KANSL1L: variants seen among roughly 807,000 people sequenced by gnomAD.
KANSL1L encodes KAT8 regulatory NSL complex subunit 1-like protein.
KANSL1L carries 25 observed loss-of-function variants against 108.6 expected under a neutral mutation model. That is an observed-to-expected ratio of 0.23 (90% CI 0.17 to 0.32). KANSL1L has a LOEUF of 0.32. Among genes scored for constraint, KANSL1L ranks in the 10% least tolerant of loss-of-function variants. KANSL1L has a pLI of 1.00. For missense variants in KANSL1L, 1,137 were observed against 1,125.7 expected (o/e 1.01, Z -0.14); for synonymous variants, 405 against 395.1 (o/e 1.03, Z -0.30).
At chr2:210,110,390 G>C (rs1236476885) in intron 3 of KANSL1L, among the ~76,000 whole-genome samples, 1 of 151,890 alleles carries the variant, frequency 6.6e-6, no homozygotes, top group East Asian at 1.9e-4. Context: ...AAAGTGTAGA[G>C]AGAGGCAGTT....
At position 210,154,558 on chromosome 2, in the gene KANSL1L, T is replaced by C; in HGVS notation, c.25A>G (p.Thr9Ala). 1 of 1,540,564 alleles carries C rather than the reference T, an allele frequency of 6.5e-7. No individual in the cohort carries two copies. The highest frequency in any genetic ancestry group is 8.7e-7 in the Non-Finnish European group (1 of 1,143,566). The change falls in exon 2 of 15, where the codon ACA becomes GCA. Residue 9 changes from threonine (T) to alanine (A), a missense_variant. Thr to Ala is a moderately conservative substitution (Grantham distance 58). Transcript: ENST00000281772. ...GATGAAAAGCTGATACCCTTTGCTG[T>C]TGCCTCCCTCAGAGCTGGGGTCATG... The part of the protein sequence containing the change: MTPALREA[T>A]AKGISFSSLP...
intron 9 of KANSL1L, chr2:210,030,782 C>T (rs956310953): frequency 6.6e-6 from 1 of 151,894 alleles, no homozygotes; most frequent in African/African-American, 2.4e-5. Flanking sequence ...AATCATTTTT[C>T]ATTACATTGA....
chr2:210,147,204 G>C (rs918119131), intron 2 of KANSL1L, among the ~76,000 whole-genome samples: 2 of 152,228 alleles, frequency 1.3e-5, no homozygotes, highest in African/African-American at 4.8e-5. Context: ...CTCATGCTGT[G>C]ATACCAGCAA....
chr2:210,142,713 G>T (rs1376306952), intron 2 of KANSL1L, among the ~76,000 whole-genome samples: 2 of 151,888 alleles, frequency 1.3e-5, no homozygotes, highest in Non-Finnish European at 2.9e-5. Context: ...TTTAAATTTA[G>T]TCATTAATCC....
intron 1 of KANSL1L, among the ~76,000 whole-genome samples, chr2:210,164,089 A>G (rs1375124994): frequency 1.3e-5 from 2 of 152,184 alleles, no homozygotes; most frequent in East Asian, 1.9e-4. Context: ...ACTACTAGAC[A>G]TATTTTTAAA....
At position 210,163,234 on chromosome 2, in the gene KANSL1L, T is replaced by G. The variant is rs978380073; in HGVS notation, c.-30+7915A>C. Reference sequence around the variant, plus strand: ...ACCAGGAATTTAAAACAACTATGATTAATATGCTAAGGCCTCTAATGGAAA... The same window carrying G: ...ACCAGGAATTTAAAACAACTATGATGAATATGCTAAGGCCTCTAATGGAAA... On this transcript the variant is annotated intron_variant, in intron 1 of 14. Coordinates refer to ENST00000281772, the MANE Select transcript of KANSL1L (RefSeq NM_152519.4). 2.0e-5 allele frequency among the ~76,000 whole-genome samples: 3 copies of G among 152,142 alleles called. No individual in the cohort carries two copies. In the South Asian group the frequency reaches 6.2e-4, roughly 32 times the overall value.
chr2:210,072,454 A>T (rs966899950), intron 6 of KANSL1L, among the ~76,000 whole-genome samples: 1 of 152,206 alleles, frequency 6.6e-6, no homozygotes, highest in Non-Finnish European at 1.5e-5. Flanking sequence ...GCACTTTAAG[A>T]CAGCAGTCCC....
chr2:210,092,799 T>C (rs145563827), intron 5 of KANSL1L, among the ~76,000 whole-genome samples: 3 of 152,324 alleles, frequency 2.0e-5, no homozygotes, highest in South Asian at 2.1e-4. Context: ...GAAATCTGCA[T>C]TTGCCTCTGC....
rs879210543 is a variant in KANSL1L at position 210,154,255 on chromosome 2, T to G, written c.328A>C (p.Lys110Gln). ...TTGCTGCCATTATACAGTATGTTTT[T>G]CAGCTTATTGCAACTGGGCTCCCCT... is the stretch of plus-strand genomic sequence containing the variant. Reference protein sequence around the residue: ...KLGEPSCNKLKNILYNGSNIQ... With the variant: ...KLGEPSCNKLQNILYNGSNIQ... Residue 110 changes from lysine (K) to glutamine (Q), a missense_variant, in exon 2 of 15, where the codon AAA (lysine) becomes CAA (glutamine). Around this residue, in one of 3 missense-constraint regions of KANSL1L, gnomAD observed 556 missense variants for 537.7 expected, o/e 1.03. Transcript: ENST00000281772. The G allele has an allele frequency of 6.2e-7, 1 of 1,614,122 alleles. No individual in the cohort carries two copies. The highest frequency in any genetic ancestry group is 1.1e-5 in the South Asian group (1 of 91,056).
intron 4 of KANSL1L, among the ~76,000 whole-genome samples, chr2:210,101,964 C>G (rs1302147478): frequency 1.3e-5 from 2 of 152,176 alleles, no homozygotes; most frequent in Non-Finnish European, 2.9e-5. Context: ...TGAAGAATGG[C>G]TCAGCTTTAA....
chr2:210,030,912 TGTCA>T (rs1456511577), intron 9 of KANSL1L: 2 of 152,176 alleles, frequency 1.3e-5, no homozygotes, highest in Non-Finnish European at 2.9e-5. Flanking sequence ...AGATCTAAAG[TGTCA>T]GTCAATTTAA....
In KANSL1L at chr2:210,154,315, T is replaced by C; in HGVS notation, c.268A>G (p.Asn90Asp). Residue 90 changes from asparagine to aspartate, a missense_variant, in exon 2 of 15, where the codon AAT (asparagine) becomes GAT (aspartate). By Grantham distance (23) the Asn-to-Asp change is conservative. Transcript: ENST00000281772. ...TGTTTATAATTCTCATTGTGTTTAT[T>C]TAATGTAGAATTAGATCTCATTAAA... ...VFLMRSNSTL[N>D]KHNENYKQKK... is the part of the protein sequence containing the mutation. 3.7e-6 allele frequency: 6 copies of C among 1,612,790 alleles called. No homozygotes were observed. The highest frequency in any genetic ancestry group is 5.1e-6 in the Non-Finnish European group (6 of 1,179,240).
intron 5 of KANSL1L, among the ~76,000 whole-genome samples, chr2:210,076,171 T>TTTTTTTG (rs796078288): frequency 6.6e-6 from 1 of 152,112 alleles, no homozygotes; most frequent in African/African-American, 2.4e-5. Context: ...TAGTTTCTGT[T>TTTTTTTG]TTTTTTGTTT....
At chr2:210,065,579 ATTTTTTTTT>A (rs57999970) in intron 6 of KANSL1L, among the ~76,000 whole-genome samples, 19 of 64,922 alleles carry the variant, frequency 2.9e-4, no homozygotes, top group African/African-American at 4.8e-4. Context: ...CCTGGACATG[ATTTTTTTTT>A]TTTTTTTTTT....
chr2:210,113,693 A>C (rs2094929543), intron 3 of KANSL1L, among the ~76,000 whole-genome samples: 1 of 152,200 alleles, frequency 6.6e-6, no homozygotes, highest in Non-Finnish European at 1.5e-5. Flanking sequence ...AGTCAAGAAA[A>C]AGATGTTATG....
At chr2:210,067,124 TC>T (rs1466731810) in intron 6 of KANSL1L, among the ~76,000 whole-genome samples, 1 of 152,128 alleles carries the variant, frequency 6.6e-6, no homozygotes, top group Non-Finnish European at 1.5e-5. Flanking sequence ...GCCTTTAGAC[TC>T]CAGGACTTAA....
chr2:210,132,475 G>A (rs2095130942), intron 2 of KANSL1L, among the ~76,000 whole-genome samples: 1 of 152,138 alleles, frequency 6.6e-6, no homozygotes, highest in African/African-American at 2.4e-5. Context: ...CCTGGACAGT[G>A]ACAGAGATCA....
At chr2:210,055,106 G>T (rs1188956824) in intron 6 of KANSL1L, among the ~76,000 whole-genome samples, 1 of 152,162 alleles carries the variant, frequency 6.6e-6, no homozygotes, top group Admixed American at 6.5e-5. Flanking sequence ...GAATCATAGG[G>T]GTAGTTACCC....
At chr2:210,118,484 A>G (rs1032505670) in intron 3 of KANSL1L, among the ~76,000 whole-genome samples, 2 of 151,680 alleles carry the variant, frequency 1.3e-5, no homozygotes, top group African/African-American at 4.8e-5. Context: ...AAAAAAAAAA[A>G]AAAAAACAGA....
Sources: allele counts gnomAD v4.1 joint callset (sites outside exome capture counted in the v4.1 genomes callset), GRCh38; gene constraint gnomAD v4.1.1; regional missense constraint gnomAD v4.1.1; transcripts MANE v1.5; gene names NCBI Gene and HGNC (gene_info 2026-07-23, HGNC 2026-07-21).